ZNF385D: variants seen among roughly 807,000 people sequenced by gnomAD.
ZNF385D encodes zinc finger protein 385D.
In ZNF385D, 15 loss-of-function variants were observed where a neutral mutation model predicts 35.8. That is an observed-to-expected ratio of 0.42 (90% CI 0.28 to 0.64). The LOEUF is 0.64. Ranked by LOEUF, ZNF385D falls within the 30% of genes least tolerant of loss-of-function variation. The pLI is 0.23. For synonymous variants in ZNF385D, 212 were observed against 186.8 expected (o/e 1.13, Z -1.10); for missense variants, 474 against 494.6 (o/e 0.96, Z 0.39).
intron 2 of ZNF385D, among the ~76,000 whole-genome samples, chr3:21,593,725 T>TA (rs1333567823): frequency 1.3e-5 from 2 of 151,744 alleles, no homozygotes; most frequent in African/African-American, 4.8e-5. Context: ...TTTTAAAAAT[T>TA]ACAGTGAACA....
intron 2 of ZNF385D, among the ~76,000 whole-genome samples, chr3:22,239,661 A>G (rs1277314108): frequency 6.6e-6 from 1 of 151,022 alleles, no homozygotes; most frequent in Admixed American, 6.6e-5. Context: ...TATTTTTCAA[A>G]TTACATTTTA....
chr3:21,721,207 C>T (rs769349410), intron 1 of ZNF385D, among the ~76,000 whole-genome samples: 5 of 152,246 alleles, frequency 3.3e-5, no homozygotes, highest in East Asian at 1.9e-4. Flanking sequence ...TCTCAGCCAG[C>T]GTCAGTGCTT....
intron 2 of ZNF385D, among the ~76,000 whole-genome samples, chr3:22,209,577 AC>A (rs1697382564): frequency 1.3e-5 from 2 of 151,850 alleles, no homozygotes; most frequent in African/African-American, 4.8e-5. Flanking sequence ...TGTTCCATGC[AC>A]TGGTAAATTT....
intron 3 of ZNF385D, among the ~76,000 whole-genome samples, chr3:21,905,711 T>TATATATATATATA (rs1304515569): frequency 6.7e-6 from 1 of 148,196 alleles, no homozygotes; most frequent in South Asian, 2.1e-4. Flanking sequence ...TATATATATA[T>TATATATATATATA]TCAGTTCAAC....
rs976068613 is a variant in ZNF385D, at chr3:21,508,707, G to A, written c.439+2154C>T. ...AGCATTAAGCCTTATATAGAAAGAG[G>A]TGTTGAAATTCTGTTAAACTTCCCT... On this transcript the variant is annotated intron_variant, in intron 4 of 7. Transcript: ENST00000281523. 1.8e-4 allele frequency among the ~76,000 whole-genome samples: 27 copies of A among 152,116 alleles called. 1 individual carries two copies. The highest frequency in any genetic ancestry group is 1.7e-3 in the Admixed American group (26 of 15,274).
chr3:22,016,394 T>C (rs188854449), intron 3 of ZNF385D, among the ~76,000 whole-genome samples: 84 of 152,268 alleles, frequency 5.5e-4, no homozygotes, highest in Non-Finnish European at 1.1e-3. Context: ...TAGCATTCTA[T>C]GTACTTAGTA....
At chr3:22,082,138 G>T (rs749221617) in intron 3 of ZNF385D, among the ~76,000 whole-genome samples, 1 of 151,990 alleles carries the variant, frequency 6.6e-6, no homozygotes, top group Non-Finnish European at 1.5e-5. Flanking sequence ...AGTGATTGAC[G>T]CAGCAGATGG....
intron 4 of ZNF385D, among the ~76,000 whole-genome samples, chr3:21,488,073 C>A (rs572551605): frequency 6.6e-6 from 1 of 151,564 alleles, no homozygotes; most frequent in Non-Finnish European, 1.5e-5. Context: ...ATATTTACAT[C>A]GTCACACTCT....
At chr3:21,585,010 T>G (rs1368066830) in intron 2 of ZNF385D, among the ~76,000 whole-genome samples, 1 of 152,156 alleles carries the variant, frequency 6.6e-6, no homozygotes, top group Non-Finnish European at 1.5e-5. Context: ...AGAGATTGTA[T>G]GTGTAGAATC....
intron 2 of ZNF385D, among the ~76,000 whole-genome samples, chr3:22,273,795 G>T (rs1461789768): frequency 6.6e-6 from 1 of 151,932 alleles, no homozygotes; most frequent in Non-Finnish European, 1.5e-5. Context: ...GAATTCAACT[G>T]AACTTCTACT....
intron 2 of ZNF385D, among the ~76,000 whole-genome samples, chr3:21,574,240 C>A (rs896547143): frequency 2.6e-5 from 4 of 152,028 alleles, no homozygotes; most frequent in African/African-American, 9.7e-5. Context: ...GCGATCAAGA[C>A]TCTAGATGTA....
At chr3:22,196,496 T>C (rs553976943) in intron 2 of ZNF385D, among the ~76,000 whole-genome samples, 2 of 152,226 alleles carry the variant, frequency 1.3e-5, no homozygotes, top group African/African-American at 2.4e-5. Flanking sequence ...CTCTTGCATT[T>C]TGACTGAACT....
At position 21,418,081 on chromosome 3, in the gene ZNF385D, C is replaced by G. The variant is rs1700591567; in HGVS notation, c.*3133G>C. On this transcript the variant is annotated 3_prime_UTR_variant, in exon 8 of 8. Transcript: ENST00000281523. Reference sequence around the variant, plus strand: ...TCCCCAATGACTGTTTCCCATTTGTCTGGACGATCTGATTGAGGTGCAACA... The same window carrying G: ...TCCCCAATGACTGTTTCCCATTTGTGTGGACGATCTGATTGAGGTGCAACA... 1 of 152,142 alleles carries G rather than the reference C, an allele frequency of 6.6e-6. No individual in the cohort carries two copies. Among genetic ancestry groups the G allele is most frequent in the Admixed American group, 6.6e-5 (1 of 15,260 alleles). The allele number at this position is 152,142 out of a possible 1,614,324, so 9.4% of individuals were successfully genotyped here.
At chr3:22,250,532 A>T (rs576444885) in intron 2 of ZNF385D, among the ~76,000 whole-genome samples, 1 of 152,264 alleles carries the variant, frequency 6.6e-6, no homozygotes, top group South Asian at 2.1e-4. Flanking sequence ...CTGACAATAC[A>T]TAAGCAAAAT....
chr3:22,364,635 T>C (rs143552641), intron 2 of ZNF385D, among the ~76,000 whole-genome samples: 1 of 152,256 alleles, frequency 6.6e-6, no homozygotes, highest in African/African-American at 2.4e-5. Flanking sequence ...AGAAAACTTG[T>C]ATGCTTTTGG....
At position 22,036,836 on chromosome 3, in the gene ZNF385D, A is replaced by G. The variant is rs539415276; in HGVS notation, c.325+131981T>C. On this transcript the variant is annotated intron_variant, in intron 3 of 5. Transcript: ENST00000494108. ...ATTAACTCGTCATTTAACATTAGGT[A>G]TATCTCCTAATGCTATCCCTCCCCC... Among the ~76,000 whole-genome samples, 6 of 147,030 alleles carry G rather than the reference A, an allele frequency of 4.1e-5. No homozygotes were observed. In the East Asian group the frequency reaches 8.7e-4, roughly 21 times the overall value.
intron 3 of ZNF385D, among the ~76,000 whole-genome samples, chr3:21,891,820 C>A (rs1698883501): frequency 6.6e-6 from 1 of 152,144 alleles, no homozygotes; most frequent in Non-Finnish European, 1.5e-5. Flanking sequence ...GTAAGTTTCA[C>A]TTACTTTTAA....
chr3:21,939,581 T>C (rs530283741), intron 3 of ZNF385D, among the ~76,000 whole-genome samples: 1 of 152,220 alleles, frequency 6.6e-6, no homozygotes, highest in South Asian at 2.1e-4. Flanking sequence ...AAATATAGTA[T>C]AGAAGGAATT....
chr3:22,123,965 T>TAC (rs1703270915), intron 3 of ZNF385D, among the ~76,000 whole-genome samples: 3 of 63,328 alleles, frequency 4.7e-5, no homozygotes, highest in Non-Finnish European at 9.9e-5. Flanking sequence ...TCTCTCTCTA[T>TAC]ATATATATAT....
Sources: allele counts gnomAD v4.1 joint callset (sites outside exome capture counted in the v4.1 genomes callset), GRCh38; gene constraint gnomAD v4.1.1; transcripts MANE v1.5; gene names NCBI Gene and HGNC (gene_info 2026-07-23, HGNC 2026-07-21).